POLR3GL: variants seen among roughly 807,000 people sequenced by gnomAD.
The protein encoded by POLR3GL is RNA polymerase III subunit GL, also known as DNA-directed RNA polymerase III subunit RPC7-like.
Under a neutral mutation model 32.4 loss-of-function variants are expected in POLR3GL, and 26 were observed. That is an observed-to-expected ratio of 0.80 (90% CI 0.59 to 1.11). The LOEUF is 1.11. Ranked by LOEUF, POLR3GL falls within the 50% of genes most tolerant of loss-of-function variation. POLR3GL has a pLI of 0.00. For synonymous variants in POLR3GL, 95 were observed against 98.7 expected, an observed-to-expected ratio of 0.96 and a Z score of 0.22; for missense variants, 229 against 280.1, an observed-to-expected ratio of 0.82 and a Z score of 1.30.
chr1:145,970,875 CAAAAAAAAAAAAAAA>C (rs35524546), intron 1 of POLR3GL, among the ~76,000 whole-genome samples: 3 of 13,204 alleles, frequency 2.3e-4, no homozygotes, highest in Non-Finnish European at 3.4e-4. Context: ...AACTCCATCT[CAAAAAAAAAAAAAAA>C]AAAAAAAAAA....
Position 145,974,996 on chromosome 1 carries a change from G to C in POLR3GL, c.126+5G>C. On this transcript the variant is annotated splice_donor_5th_base_variant and intron_variant, in intron 2 of 7. Coordinates refer to ENST00000369314, the MANE Select transcript of POLR3GL (RefSeq NM_032305.3). ...CAGCCTTCTCCACTCTTCCCTGTGA[G>C]TCTCTCCACTCCCTTCCCAGACTCT... 11 of 1,510,060 alleles carry C rather than the reference G, an allele frequency of 7.3e-6. No homozygotes were observed. The highest frequency in any genetic ancestry group is 9.7e-6 in the Non-Finnish European group (11 of 1,132,734). 93.5% of individuals were successfully genotyped at this position (1,510,060 alleles called of 1,614,324 possible). A position where few individuals can be genotyped will look rare whatever the true frequency, so the allele number is the denominator to read the frequency against.
rs1650665315 is a variant in POLR3GL, at chr1:145,978,435, G to A, written c.645G>A (p.Glu215=). 4 of 1,603,760 alleles carry A rather than the reference G, an allele frequency of 2.5e-6. No individual in the cohort carries two copies. Among genetic ancestry groups the A allele is most frequent in the African/African-American group, 1.3e-5 (1 of 74,590 alleles). The change falls in exon 8 of 8, where the codon GAG becomes GAA. Residue 215 remains glutamate, a synonymous_variant. Coordinates refer to ENST00000369314, the MANE Select transcript of POLR3GL (RefSeq NM_032305.3). ...GTGACAGTGATGACAATATGGACGA[G>A]GCTATATACTGAAGAAGGACTCTGG... The part of the protein sequence containing the change: ...FGGDSDDNMD[E]AIY
At chr1:145,970,967 C>T (rs587673367) in intron 1 of POLR3GL, among the ~76,000 whole-genome samples, 1 of 147,632 alleles carries the variant, frequency 6.8e-6, no homozygotes, top group African/African-American at 2.5e-5. Context: ...GGATGGATCA[C>T]CTGGTCGGGA....
chr1:145,965,708 C>T (rs1559251262), intron 1 of POLR3GL, among the ~76,000 whole-genome samples: 1 of 152,218 alleles, frequency 6.6e-6, no homozygotes, highest in Admixed American at 6.5e-5. Context: ...ACTCTCTTAT[C>T]TCTCTTGTAG....
At chr1:145,972,207 C>T (rs888940608) in intron 1 of POLR3GL, among the ~76,000 whole-genome samples, 2 of 150,224 alleles carry the variant, frequency 1.3e-5, no homozygotes, top group African/African-American at 4.9e-5. Flanking sequence ...ATGGAGAAAC[C>T]CCGTCTCTAC....
At chr1:145,977,919 T>C in intron 6 of POLR3GL, 64 bp from the exon 7 acceptor site, 1 of 1,613,854 alleles carries the variant, frequency 6.2e-7, no homozygotes, top group South Asian at 1.1e-5. Flanking sequence ...GGCCCATGTG[T>C]GCCTCAATTT....
chr1:145,964,953 T>G (rs1442805142), intron 1 of POLR3GL, among the ~76,000 whole-genome samples, 185 bp downstream of exon 1: 2 of 152,210 alleles, frequency 1.3e-5, no homozygotes, highest in Non-Finnish European at 2.9e-5. Flanking sequence ...CTATCGCGCA[T>G]GGGGAGAGAC....
chr1:145,972,550 C>A (rs1338547305), intron 1 of POLR3GL, among the ~76,000 whole-genome samples: 1 of 152,042 alleles, frequency 6.6e-6, no homozygotes, highest in Non-Finnish European at 1.5e-5. Flanking sequence ...TTATCTTATA[C>A]TTTGGGGTTA....
At chr1:145,971,172 C>G (rs1338959216) in intron 1 of POLR3GL, among the ~76,000 whole-genome samples, 29 of 89,682 alleles carry the variant, frequency 3.2e-4, no homozygotes, top group Non-Finnish European at 4.3e-4. Flanking sequence ...GCAACAAGAG[C>G]GAAACTCCAT....
At chr1:145,977,909 G>T (rs952480230) in intron 6 of POLR3GL, 58 bp downstream of exon 6, 3 of 1,613,596 alleles carry the variant, frequency 1.9e-6, no homozygotes, top group Admixed American at 3.3e-5. Flanking sequence ...CCTCTCTCTT[G>T]GCCCATGTGT....
intron 1 of POLR3GL, among the ~76,000 whole-genome samples, chr1:145,965,716 T>C (rs1423907863): frequency 3.9e-5 from 6 of 152,350 alleles, no homozygotes; most frequent in Non-Finnish European, 4.4e-5. Context: ...ATCTCTCTTG[T>C]AGATCATTCA....
At position 145,978,418 on chromosome 1, in the gene POLR3GL, G is replaced by A; in HGVS notation, c.628G>A (p.Asp210Asn). Residue 210 changes from aspartate (D) to asparagine (N), a missense_variant, in exon 8 of 8, where the codon GAT becomes AAT. Coordinates refer to ENST00000369314, the MANE Select transcript of POLR3GL (RefSeq NM_032305.3). ...TGGAGAGGACTTTGGTGGTGACAGTGATGACAATATGGACGAGGCTATATA... is the reference window on the plus strand; with the variant it reads ...TGGAGAGGACTTTGGTGGTGACAGTAATGACAATATGGACGAGGCTATATA... Reference protein sequence around the residue: ...DNGEDFGGDSDDNMDEAIY With the variant: ...DNGEDFGGDSNDNMDEAIY The A allele has an allele frequency of 6.2e-7, 1 of 1,611,134 alleles. No individual in the cohort carries two copies. Among genetic ancestry groups the A allele is most frequent in the Non-Finnish European group, 8.5e-7 (1 of 1,177,562 alleles).
At chr1:145,974,240 C>A (rs1273172111) in intron 1 of POLR3GL, among the ~76,000 whole-genome samples, 1 of 152,234 alleles carries the variant, frequency 6.6e-6, no homozygotes, top group Non-Finnish European at 1.5e-5. Context: ...GACACACTAT[C>A]TTTTTCATGG....
At chr1:145,965,087 A>G (rs1423253947) in intron 1 of POLR3GL, among the ~76,000 whole-genome samples, 1 of 152,204 alleles carries the variant, frequency 6.6e-6, no homozygotes, top group Non-Finnish European at 1.5e-5. Flanking sequence ...ACTAGCTGAA[A>G]TGCTACCTGT....
rs782529825 is a variant in POLR3GL at position 145,978,483 on chromosome 1, T to C, written c.*36T>C. The C allele has an allele frequency of 3.9e-6, 5 of 1,272,044 alleles. No homozygotes were observed. The Admixed American group carries it at 5.3e-5, about 13-fold the overall frequency. The allele number at this position is 1,272,044 out of a possible 1,614,324, so 78.8% of individuals were successfully genotyped here. A position where few individuals can be genotyped will look rare whatever the true frequency, so the allele number is the denominator to read the frequency against. On this transcript the variant is annotated 3_prime_UTR_variant, in exon 8 of 8. Coordinates refer to ENST00000369314, the MANE Select transcript of POLR3GL (RefSeq NM_032305.3). Reference sequence around the variant, plus strand: ...TGGACCCTCGTGTCTTTCTTTAGGATACAGAGAGTAACTGTACCTATTATT... The same window carrying C: ...TGGACCCTCGTGTCTTTCTTTAGGACACAGAGAGTAACTGTACCTATTATT...
intron 1 of POLR3GL, among the ~76,000 whole-genome samples, chr1:145,966,657 C>T (rs945740141): frequency 9.2e-5 from 14 of 151,818 alleles, no homozygotes; most frequent in Non-Finnish European, 1.3e-4. Context: ...GGCATGGTGG[C>T]GCATGCCTGT....
chr1:145,977,952 G>T, intron 6 of POLR3GL, 31 bp from the exon 7 acceptor site: 25 of 1,613,916 alleles, frequency 1.5e-5, no homozygotes, highest in Non-Finnish European at 2.1e-5. Context: ...AACTGAACCT[G>T]AGTTTCTATT....
In POLR3GL at chr1:145,978,731, G is replaced by A; in HGVS notation, c.*284G>A. The A allele has an allele frequency of 1.2e-5, 5 of 410,496 alleles. No individual in the cohort carries two copies. The South Asian group carries it at 1.9e-4, about 16-fold the overall frequency. 25.4% of individuals were successfully genotyped at this position (410,496 alleles called of 1,614,324 possible). A position where few individuals can be genotyped will look rare whatever the true frequency, so the allele number is the denominator to read the frequency against. Reference sequence around the variant, plus strand: ...GAACTGGGGTTGTTAGAGCTGAGATGACTGTACACATACCCCTGCCCAATT... The same window carrying A: ...GAACTGGGGTTGTTAGAGCTGAGATAACTGTACACATACCCCTGCCCAATT... On this transcript the variant is annotated 3_prime_UTR_variant, in exon 8 of 8. Transcript: ENST00000369314.
intron 1 of POLR3GL, among the ~76,000 whole-genome samples, chr1:145,967,473 A>T (rs1215363984): frequency 6.6e-6 from 1 of 152,084 alleles, no homozygotes; most frequent in Non-Finnish European, 1.5e-5. Context: ...CCATGTCCAG[A>T]CATGGCCATT....
Sources: allele counts gnomAD v4.1 joint callset (sites outside exome capture counted in the v4.1 genomes callset), GRCh38; gene constraint gnomAD v4.1.1; transcripts MANE v1.5; gene names NCBI Gene and HGNC (gene_info 2026-07-23, HGNC 2026-07-21).